The following RALYL variants were observed in gnomAD, a reference collection of about 807,000 sequenced individuals.
RALYL encodes RNA-binding Raly-like protein.
In RALYL, 29 loss-of-function variants were observed where a neutral mutation model predicts 35.1. That is an observed-to-expected ratio of 0.83 (90% CI 0.61 to 1.13). RALYL has a LOEUF of 1.13. Among genes scored for constraint, RALYL ranks in the 50% most tolerant of loss-of-function variants. The pLI is 0.00. For missense variants in RALYL, 359 were observed against 360.4 expected, an observed-to-expected ratio of 1.00 and a Z score of 0.03; for synonymous variants, 120 against 127.6, an observed-to-expected ratio of 0.94 and a Z score of 0.40.
chr8:84,364,005 CCTACCTATTGTT>C (rs1171637630), intron 1 of RALYL, among the ~76,000 whole-genome samples: 2 of 152,098 alleles, frequency 1.3e-5, no homozygotes, highest in Non-Finnish European at 2.9e-5. Flanking sequence ...GACAGGCATG[CCTACCTATTGTT>C]CTACAACTCA....
intron 1 of RALYL, among the ~76,000 whole-genome samples, chr8:84,236,173 A>G (rs1245769124): frequency 2.0e-5 from 3 of 152,182 alleles, no homozygotes; most frequent in Non-Finnish European, 4.4e-5. Flanking sequence ...TGCAACGTAT[A>G]TATTACATTT....
chr8:84,911,701 C>T (rs1008117978), intron 8 of RALYL, among the ~76,000 whole-genome samples: 1 of 152,138 alleles, frequency 6.6e-6, no homozygotes, highest in African/African-American at 2.4e-5. Flanking sequence ...TGTACCAGTG[C>T]AAGTCCCAGC....
At chr8:84,907,874 C>T (rs1452058170) in intron 8 of RALYL, among the ~76,000 whole-genome samples, 1 of 151,796 alleles carries the variant, frequency 6.6e-6, no homozygotes, top group South Asian at 2.1e-4. Flanking sequence ...TAAAAAAAAA[C>T]CTTGATATTT....
chr8:84,589,980 A>G (rs1812875408), intron 2 of RALYL, among the ~76,000 whole-genome samples: 1 of 152,246 alleles, frequency 6.6e-6, no homozygotes, highest in African/African-American at 2.4e-5. Flanking sequence ...AGGGCATATG[A>G]AAGCTTTTTA....
At chr8:84,620,747 G>C (rs1314598038) in intron 2 of RALYL, among the ~76,000 whole-genome samples, 2 of 151,292 alleles carry the variant, frequency 1.3e-5, no homozygotes, top group Non-Finnish European at 3.0e-5. Context: ...GGTCTTTGAT[G>C]ATGGTGATGT....
intron 1 of RALYL, among the ~76,000 whole-genome samples, chr8:84,235,869 C>T (rs1412647182): frequency 2.7e-5 from 4 of 148,892 alleles, no homozygotes; most frequent in Non-Finnish European, 4.4e-5. Flanking sequence ...CTGGTTCAAG[C>T]GATTCTCCTG....
intron 8 of RALYL, among the ~76,000 whole-genome samples, chr8:84,898,179 G>C (rs949225978): frequency 6.6e-6 from 1 of 152,190 alleles, no homozygotes; most frequent in Non-Finnish European, 1.5e-5. Flanking sequence ...TGGAGTATTT[G>C]TTAGAAATGC....
intron 2 of RALYL, among the ~76,000 whole-genome samples, chr8:84,717,806 C>G (rs1843188901): frequency 6.6e-6 from 1 of 152,168 alleles, no homozygotes; most frequent in African/African-American, 2.4e-5. Flanking sequence ...ATATGACTAT[C>G]ATCACACAAT....
At chr8:84,185,140 G>A in intron 1 of RALYL, 1 of 935,166 alleles carries the variant, frequency 1.1e-6, no homozygotes, top group Non-Finnish European at 1.7e-6. Flanking sequence ...TCGTCTTCCA[G>A]GGGATGGGGA....
rs1364820778 is a variant in RALYL at position 84,424,877 on chromosome 8, G to A, written c.-23-104422G>A. On this transcript the variant is annotated intron_variant, in intron 1 of 8. Transcript: ENST00000521268. ...TAGGCTGCTCGGGGGTCAGGGGTCAGGGACCCACTTGAGGAGGCAGTCTGC... is the reference window on the plus strand; with the variant it reads ...TAGGCTGCTCGGGGGTCAGGGGTCAAGGACCCACTTGAGGAGGCAGTCTGC... Among the ~76,000 whole-genome samples, 5 of 151,928 alleles carry A rather than the reference G, an allele frequency of 3.3e-5. No homozygotes were observed. In the East Asian group the frequency reaches 9.7e-4, roughly 29 times the overall value.
intron 1 of RALYL, among the ~76,000 whole-genome samples, chr8:84,335,075 A>G (rs879631275): frequency 9.2e-5 from 14 of 151,934 alleles, no homozygotes; most frequent in Non-Finnish European, 1.5e-4. Context: ...CAGAGGGGAG[A>G]GGCAGGAGGG....
intron 2 of RALYL, among the ~76,000 whole-genome samples, chr8:84,642,806 TAGG>T (rs1299325143): frequency 1.5e-5 from 2 of 135,784 alleles, no homozygotes; most frequent in Non-Finnish European, 3.0e-5. Context: ...AAGAGAAAGG[TAGG>T]AGAAGAAGCT....
intron 8 of RALYL, among the ~76,000 whole-genome samples, chr8:84,901,397 C>T (rs112414743): frequency 2.2e-4 from 34 of 152,238 alleles, no homozygotes; most frequent in African/African-American, 7.9e-4. Context: ...TTCTGAACAA[C>T]TCTTAAGAGA....
intron 7 of RALYL, among the ~76,000 whole-genome samples, chr8:84,883,525 A>T (rs534437219): frequency 1.4e-4 from 21 of 151,924 alleles, no homozygotes; most frequent in African/African-American, 4.3e-4. Context: ...GAAACGGGAA[A>T]CCCCTTATAA....
intron 2 of RALYL, among the ~76,000 whole-genome samples, chr8:84,746,587 C>A (rs899566002): frequency 1.3e-5 from 2 of 151,954 alleles, no homozygotes; most frequent in African/African-American, 4.8e-5. Context: ...CCAAACTTTA[C>A]TCTTGAAATA....
At chr8:84,790,859 C>T (rs1003262519) in intron 3 of RALYL, among the ~76,000 whole-genome samples, 2 of 152,172 alleles carry the variant, frequency 1.3e-5, no homozygotes, top group Admixed American at 6.5e-5. Flanking sequence ...GAACAGTTGA[C>T]CACCTTTGAT....
chr8:84,211,948 T>G lies in RALYL; in HGVS notation c.-24+27524T>G, dbSNP rs1352073836. On this transcript the variant is annotated intron_variant, in intron 1 of 8. Transcript: ENST00000521268. ...AGCACATTGCACGAATTGTATCGCC[T>G]TTAATAGTTACAATAACCAAGGAAG... Among the ~76,000 whole-genome samples the G allele has an allele frequency of 3.3e-5, 5 of 152,186 alleles. No homozygotes were observed. In the East Asian group the frequency reaches 7.7e-4, roughly 23 times the overall value.
At position 84,916,762 on chromosome 8, in the gene RALYL, G is replaced by A. The variant is rs1407219486; in HGVS notation, c.859-4132G>A. ...CAAAACAAATATCCATAAAGAATAT[G>A]GTAGTTCTAATTATAATTTATGTTA... is the stretch of plus-strand genomic sequence containing the variant. On this transcript the variant is annotated intron_variant, in intron 8 of 8. Coordinates refer to ENST00000521268, the MANE Select transcript of RALYL (RefSeq NM_173848.7). Among the ~76,000 whole-genome samples, 8 of 152,000 alleles carry A rather than the reference G, an allele frequency of 5.3e-5. No homozygotes were observed. The East Asian group carries it at 1.6e-3, about 29-fold the overall frequency.
intron 8 of RALYL, among the ~76,000 whole-genome samples, chr8:84,919,981 C>T (rs1332830369): frequency 5.3e-5 from 8 of 152,040 alleles, no homozygotes; most frequent in African/African-American, 1.9e-4. Context: ...AAATTCTCAC[C>T]ACCCATTTGC....
Sources: allele counts gnomAD v4.1 joint callset (sites outside exome capture counted in the v4.1 genomes callset), GRCh38; gene constraint gnomAD v4.1.1; transcripts MANE v1.5; gene names NCBI Gene and HGNC (gene_info 2026-07-23, HGNC 2026-07-21).